Variants in KIF25 observed in about 807,000 individuals in gnomAD.
The protein encoded by KIF25 is kinesin-like protein KIF25.
Under a neutral mutation model 32.9 loss-of-function variants are expected in KIF25, and 19 were observed. The ratio of observed to expected loss-of-function variants is 0.58; its 90% confidence interval spans 0.40 to 0.85. The LOEUF (loss-of-function observed/expected upper bound fraction) is 0.85. KIF25 is among the 40% of genes least tolerant of loss of function. The pLI is 0.00. For missense variants in KIF25, 485 were observed against 507.0 expected, an observed-to-expected ratio of 0.96 and a Z score of 0.42; for synonymous variants, 225 against 213.7, an observed-to-expected ratio of 1.05 and a Z score of -0.46.
In KIF25 at chr6:168,044,810, GT is replaced by G; in HGVS notation, c.986-12del. On this transcript the variant is annotated splice_polypyrimidine_tract_variant and intron_variant, in intron 12 of 12. Transcript: ENST00000643607. ...TGCTCTTCTTTCCAGCTTGCATGTTGTTTTTCTATTTTAAAGGAGGCGATGC... is the reference window on the plus strand; with the variant it reads ...TGCTCTTCTTTCCAGCTTGCATGTTGTTTTCTATTTTAAAGGAGGCGATGC... The G allele has an allele frequency of 6.4e-7, 1 of 1,565,482 alleles. No homozygotes were observed. The highest frequency in any genetic ancestry group is 1.9e-5 in the Admixed American group (1 of 53,634).
rs975510910 is a variant in KIF25, at chr6:168,043,351, G to T, written c.985+635G>T. Among the ~76,000 whole-genome samples the T allele has an allele frequency of 2.6e-5, 4 of 152,180 alleles. No individual in the cohort carries two copies. In the East Asian group the frequency reaches 5.8e-4, roughly 22 times the overall value. Reference sequence around the variant, plus strand: ...CCAGAGGTGGCCCTGGGCCCTGTAGGCCGTGTCCTGAGAAACGGCCACTGC... The same window carrying T: ...CCAGAGGTGGCCCTGGGCCCTGTAGTCCGTGTCCTGAGAAACGGCCACTGC... On this transcript the variant is annotated intron_variant, in intron 12 of 12. Coordinates refer to ENST00000643607, the MANE Select transcript of KIF25 (RefSeq NM_030615.4).
At chr6:168,009,716 A>C (rs2516813) in intron 4 of KIF25, among the ~76,000 whole-genome samples, 1 of 151,880 alleles carries the variant, frequency 6.6e-6, no homozygotes, top group Non-Finnish European at 1.5e-5. Flanking sequence ...ACTTTTCTTC[A>C]TTAGAAGACT....
intron 2 of KIF25, among the ~76,000 whole-genome samples, chr6:168,001,228 G>A (rs759262532): frequency 3.3e-5 from 5 of 152,190 alleles, no homozygotes; most frequent in South Asian, 2.1e-4. Context: ...TCGAATGTTC[G>A]TGTTTTGTAT....
At chr6:168,009,294 A>G (rs1308619437) in intron 4 of KIF25, among the ~76,000 whole-genome samples, 1 of 152,040 alleles carries the variant, frequency 6.6e-6, no homozygotes, top group Admixed American at 6.5e-5. Flanking sequence ...GATGTTGAAT[A>G]TTTTGAAAAG....
Position 168,038,570 on chromosome 6 carries a change from C to T in KIF25, c.335C>T (p.Thr112Ile). Reference protein sequence around the residue: ...EELFRLILENTSRSPKVEVSI... With the variant: ...EELFRLILENISRSPKVEVSI... The stretch of plus-strand genomic sequence containing the variant: ...TCCCGCAGGCTCATTTTGGAAAATA[C>T]CTCAAGAAGCCCAAAGGTTGAAGTC... The change falls in exon 9 of 13, where the codon ACC becomes ATC. Residue 112 changes from threonine (T) to isoleucine (I), a missense_variant. This residue lies in a region of KIF25 where 480 missense variants were observed against 470.3 expected (regional missense o/e 1.02). Transcript: ENST00000643607. 6 of 1,613,790 alleles carry T rather than the reference C, an allele frequency of 3.7e-6. No homozygotes were observed. The highest frequency in any genetic ancestry group is 5.1e-6 in the Non-Finnish European group (6 of 1,179,974).
At chr6:168,015,160 C>T (rs935625655) in intron 4 of KIF25, among the ~76,000 whole-genome samples, 5 of 152,300 alleles carry the variant, frequency 3.3e-5, no homozygotes, top group Admixed American at 6.5e-5. Flanking sequence ...ATGATATCCA[C>T]AGCAGGCAGC....
intron 5 of KIF25, among the ~76,000 whole-genome samples, chr6:168,024,677 C>T (rs1321539099): frequency 1.1e-4 from 16 of 151,864 alleles, no homozygotes; most frequent in South Asian, 4.2e-4. Flanking sequence ...TGTTCGGGGC[C>T]GGGCACGGTG....
chr6:167,999,613 G>T (rs1046720768), intron 2 of KIF25, among the ~76,000 whole-genome samples: 13 of 152,148 alleles, frequency 8.5e-5, no homozygotes, highest in Non-Finnish European at 8.8e-5. Flanking sequence ...CCTCTGCGGG[G>T]TCCGACCGAA....
At chr6:168,024,947 A>C (rs572113578) in intron 5 of KIF25, among the ~76,000 whole-genome samples, 1 of 152,296 alleles carries the variant, frequency 6.6e-6, no homozygotes, top group East Asian at 1.9e-4. Flanking sequence ...GCTACTCGGG[A>C]GGCTGAGGCA....
chr6:168,037,321 T>C (rs966237612), intron 8 of KIF25, among the ~76,000 whole-genome samples: 10 of 152,238 alleles, frequency 6.6e-5, no homozygotes, highest in Non-Finnish European at 1.3e-4. Flanking sequence ...AAACTCAGCC[T>C]GGCAGCGCCT....
intron 4 of KIF25, among the ~76,000 whole-genome samples, chr6:168,011,401 T>C (rs1798645305): frequency 6.6e-6 from 1 of 152,208 alleles, no homozygotes; most frequent in South Asian, 2.1e-4. Context: ...TGAATTCTTT[T>C]AGTTTTTACT....
intron 5 of KIF25, among the ~76,000 whole-genome samples, chr6:168,025,646 C>T (rs774174638): frequency 9.2e-5 from 14 of 152,142 alleles, no homozygotes; most frequent in African/African-American, 2.9e-4. Context: ...TAAGGAAGCA[C>T]GTGGCCTATT....
chr6:168,003,435 G>A (rs1383280348), intron 3 of KIF25, among the ~76,000 whole-genome samples, 179 bp from the exon 4 acceptor site: 1 of 152,198 alleles, frequency 6.6e-6, no homozygotes, highest in East Asian at 1.9e-4. Context: ...CCAGTGTCCT[G>A]GGAGACCAGG....
intron 4 of KIF25, among the ~76,000 whole-genome samples, chr6:168,014,560 G>A (rs918648035): frequency 1.3e-5 from 2 of 152,288 alleles, no homozygotes; most frequent in Admixed American, 6.5e-5. Flanking sequence ...CAAATGATCC[G>A]TTTTGTGACC....
At chr6:168,038,331 ACT>A (rs1044171959) in intron 8 of KIF25, among the ~76,000 whole-genome samples, 1 of 152,044 alleles carries the variant, frequency 6.6e-6, no homozygotes, top group African/African-American at 2.4e-5. Context: ...TTTAAATATA[ACT>A]CTGATAAAAT....
At chr6:168,023,455 A>G (rs1368832886) in intron 5 of KIF25, among the ~76,000 whole-genome samples, 2 of 152,026 alleles carry the variant, frequency 1.3e-5, no homozygotes, top group Admixed American at 6.6e-5. Context: ...TTTAGTAGAG[A>G]CAGGGTTTCA....
intron 7 of KIF25, 26 bp downstream of exon 7, chr6:168,030,873 G>A (rs1798931967): frequency 6.6e-7 from 1 of 1,518,270 alleles, no homozygotes; most frequent in Non-Finnish European, 9.1e-7. Context: ...TTTAAGGCCA[G>A]TCATCATAGT....
intron 12 of KIF25, among the ~76,000 whole-genome samples, chr6:168,044,174 G>A (rs1799178934): frequency 6.6e-6 from 1 of 151,308 alleles, no homozygotes; most frequent in Non-Finnish European, 1.5e-5. Context: ...ACCCAGGTGA[G>A]GGGTGCTAGT....
chr6:168,037,830 C>T (rs1232565993), intron 8 of KIF25, among the ~76,000 whole-genome samples: 1 of 152,186 alleles, frequency 6.6e-6, no homozygotes. Context: ...ATTCTCCTGC[C>T]TCAGCCTCCC....
Sources: gnomAD v4.1 joint callset for allele counts (sites outside exome capture counted in the v4.1 genomes callset) on GRCh38, gnomAD v4.1.1 for gene constraint, gnomAD v4.1.1 regional missense constraint, MANE v1.5 for transcripts, NCBI Gene and HGNC (gene_info 2026-07-23, HGNC 2026-07-21) for gene names.